Variants in ARRB2 observed in about 807,000 individuals in gnomAD.
ARRB2 encodes the protein beta-arrestin-2.
A neutral mutation model predicts 53.4 loss-of-function variants in ARRB2; 21 were observed. That is an observed-to-expected ratio of 0.39 (90% CI 0.28 to 0.57). ARRB2 has a LOEUF of 0.57. Among genes scored for constraint, ARRB2 ranks in the 20% least tolerant of loss-of-function variants. The pLI is 0.55. For synonymous variants in ARRB2, 180 were observed against 212.9 expected (o/e 0.85, Z 1.34); for missense variants, 369 against 527.5 (o/e 0.70, Z 2.94).
At position 4,710,668 on chromosome 17, in the gene ARRB2, G is replaced by GGCGAGGAGGCTGCGA. The variant is rs1914289605; in HGVS notation, c.-48_-34dup. 5.0e-6 allele frequency: 2 copies of GGCGAGGAGGCTGCGA among 398,708 alleles called. No individual in the cohort carries two copies. The highest frequency in any genetic ancestry group is 8.8e-6 in the Non-Finnish European group (2 of 226,132). 24.7% of individuals were successfully genotyped at this position (398,708 alleles called of 1,614,324 possible). A position where few individuals can be genotyped will look rare whatever the true frequency, so the allele number is the denominator to read the frequency against. ...GGGAGGAGCAGGGATCTTGGCAGCG[G>GGCGAGGAGGCTGCGA]GCGAGGAGGCTGCGAGCGAGCCGCG... On this transcript the variant is annotated 5_prime_UTR_variant, in exon 1 of 15. Coordinates refer to ENST00000269260, the MANE Select transcript of ARRB2 (RefSeq NM_004313.4).
In ARRB2 at chr17:4,720,604, TC is replaced by T; in HGVS notation, c.1103del (p.Pro368LeufsTer29). On this transcript the variant is annotated frameshift_variant, in exon 14 of 15. Coordinates refer to ENST00000269260, the MANE Select transcript of ARRB2 (RefSeq NM_004313.4). LOFTEE classifies it high-confidence loss of function. The stretch of plus-strand genomic sequence containing the variant: ...CCCCCAGCCGCTCCGGAGACAGATG[TC>T]CCTGTGGACACCAACCTCATTGAAT... Reference protein sequence around the residue: ...RPQSAAPETDVPVDTNLIEFD... With the variant: ...RPQSAAPETDXPVDTNLIEFD... The T allele has an allele frequency of 6.3e-7, 1 of 1,591,306 alleles. No homozygotes were observed. The highest frequency in any genetic ancestry group is 1.1e-5 in the South Asian group (1 of 87,838).
At position 4,718,244 on chromosome 17, in the gene ARRB2, C is replaced by T. The variant is rs1328229704; in HGVS notation, c.622-17C>T. On this transcript the variant is annotated splice_polypyrimidine_tract_variant and intron_variant, in intron 8 of 14. Coordinates refer to ENST00000269260, the MANE Select transcript of ARRB2 (RefSeq NM_004313.4). ...TGAAAACCAGTTCCAATTCACATGA[C>T]CCCCTCCCCCCAAAAGCTGTACTAC... 1.2e-6 allele frequency: 2 copies of T among 1,605,592 alleles called. No individual in the cohort carries two copies. The highest frequency in any genetic ancestry group is 8.5e-7 in the Non-Finnish European group (1 of 1,175,094).
intron 12 of ARRB2, 32 bp from the exon 13 acceptor site, chr17:4,720,360 CG>C: frequency 6.2e-7 from 1 of 1,613,782 alleles, no homozygotes. Flanking sequence ...CCCATGTCGT[CG>C]TCCTCTTCAC....
rs1915187384 is a variant in ARRB2 at position 4,717,418 on chromosome 17, C to T, written c.417+142C>T. 8.2e-6 allele frequency: 9 copies of T among 1,095,164 alleles called. No homozygotes were observed. Among genetic ancestry groups the T allele is most frequent in the East Asian group, 4.8e-5 (2 of 41,674 alleles). The allele number at this position is 1,095,164 out of a possible 1,614,324, so 67.8% of individuals were successfully genotyped here. A position where few individuals can be genotyped will look rare whatever the true frequency, so the allele number is the denominator to read the frequency against. On this transcript the variant is annotated intron_variant, in intron 6 of 14. Transcript: ENST00000269260. The surrounding 1 kb of genome is among the most constrained non-coding windows in gnomAD (Gnocchi z 6.0). Reference sequence around the variant, plus strand: ...GCCAGTGTCCCCCGTGGAAGTGGGGCGTATGTGGTGGTCATTGTGCACGCA... The same window carrying T: ...GCCAGTGTCCCCCGTGGAAGTGGGGTGTATGTGGTGGTCATTGTGCACGCA...
At chr17:4,715,929 C>T in intron 2 of ARRB2, 44 bp from the exon 3 acceptor site, 1 of 1,612,678 alleles carries the variant, frequency 6.2e-7, no homozygotes, top group Non-Finnish European at 8.5e-7. Context: ...GATGCCCTGT[C>T]ACCATCCTCC....
intron 5 of ARRB2, 154 bp downstream of exon 5, chr17:4,716,762 C>G (rs1432817027): frequency 3.6e-6 from 5 of 1,377,698 alleles, no homozygotes; most frequent in African/African-American, 1.5e-5. Flanking sequence ...ATTCAGGAAG[C>G]CCTTGATTAT....
chr17:4,712,827 T>G (rs1914552981), intron 1 of ARRB2, among the ~76,000 whole-genome samples: 1 of 152,236 alleles, frequency 6.6e-6, no homozygotes, highest in South Asian at 2.1e-4. Flanking sequence ...ATCGAGAGGA[T>G]GGACTCGGAG....
In ARRB2 at chr17:4,720,292, C is replaced by T. The variant is rs1259765968; in HGVS notation, c.994C>T (p.Arg332Ter). The T allele has an allele frequency of 6.2e-7, 1 of 1,613,842 alleles. No individual in the cohort carries two copies. The change falls in exon 12 of 15, where the codon CGA becomes TGA. Residue 332 changes from arginine to a stop codon, truncating the protein, a stop_gained. Coordinates refer to ENST00000269260, the MANE Select transcript of ARRB2 (RefSeq NM_004313.4). LOFTEE classifies it high-confidence loss of function. ...YRVKVKLVVS[R>*]GGDVSVELPF... is the part of the protein sequence containing the mutation. ...GGTCAAGGTGAAGCTGGTGGTGTCT[C>T]GAGGCGGGTGAGTGTCATGGGGGAG...
chr17:4,715,137 TC>T, intron 2 of ARRB2, 94 bp downstream of exon 2: 1 of 1,400,906 alleles, frequency 7.1e-7, no homozygotes, highest in Non-Finnish European at 9.8e-7. Flanking sequence ...CCAAAGATGA[TC>T]CCCAACCCCT....
rs1361467560 is a variant in ARRB2 at position 4,720,668 on chromosome 17, C to A, written c.1136+28C>A. ...AAGAAACTCATTCCCCTACTTGACC[C>A]TCTTGGGACAAAGATTCCTATAACA... On this transcript the variant is annotated intron_variant, in intron 14 of 14. Transcript: ENST00000269260. 3.3e-6 allele frequency: 5 copies of A among 1,514,738 alleles called. No homozygotes were observed. The East Asian group carries it at 1.1e-4, about 34-fold the overall frequency. The allele number at this position is 1,514,738 out of a possible 1,614,324, so 93.8% of individuals were successfully genotyped here.
chr17:4,711,266 G>A (rs1334892656), intron 1 of ARRB2, among the ~76,000 whole-genome samples: 3 of 152,068 alleles, frequency 2.0e-5, no homozygotes, highest in East Asian at 1.9e-4. Flanking sequence ...CATCTTGGGG[G>A]AGCCGAGTGC....
intron 11 of ARRB2, 117 bp downstream of exon 11, chr17:4,719,537 C>A (rs556953573): frequency 4.2e-6 from 6 of 1,422,688 alleles, no homozygotes; most frequent in Non-Finnish European, 5.7e-6. Context: ...AGAACTCTTA[C>A]ATTCTAGGGG....
At position 4,721,005 on chromosome 17, in the gene ARRB2, T is replaced by A. The variant is rs2150607101; in HGVS notation, c.1196T>A (p.Met399Lys). ...TTTGCCCGGCTTCGGCTGAAGGGGA[T>A]GAAGGATGACGACTATGATGATCAA... ...EDFARLRLKG[M>K]KDDDYDDQLC Residue 399 changes from methionine to lysine, a missense_variant, in exon 15 of 15, where the codon ATG (methionine) becomes AAG (lysine). By Grantham distance (95) the Met-to-Lys change is moderately conservative (BLOSUM62 -1). Coordinates refer to ENST00000269260, the MANE Select transcript of ARRB2 (RefSeq NM_004313.4). This position sits in a 1 kb window ranked among gnomAD's most constrained non-coding sequence, Gnocchi z 4.2. 2 of 1,613,782 alleles carry A rather than the reference T, an allele frequency of 1.2e-6. No individual in the cohort carries two copies. Among genetic ancestry groups the A allele is most frequent in the East Asian group, 2.2e-5 (1 of 44,860 alleles).
chr17:4,714,084 T>A (rs1333883260), intron 1 of ARRB2, among the ~76,000 whole-genome samples: 1 of 91,188 alleles, frequency 1.1e-5, no homozygotes, highest in Non-Finnish European at 2.6e-5. Context: ...GGCATTGTGC[T>A]GGAGATGCCT....
Position 4,717,020 on chromosome 17 carries a change from G to A in ARRB2, c.358-197G>A. 1.6e-6 allele frequency: 1 copy of A among 632,148 alleles called. No homozygotes were observed. The highest frequency in any genetic ancestry group is 2.8e-6 in the Non-Finnish European group (1 of 359,196). 39.2% of individuals were successfully genotyped at this position (632,148 alleles called of 1,614,324 possible). ...CGACTAATTTTGTATTTTTAGTAGT[G>A]ATGGGGTTTTGCCACGTTGGTCAGG... On this transcript the variant is annotated intron_variant, in intron 5 of 14. Coordinates refer to ENST00000269260, the MANE Select transcript of ARRB2 (RefSeq NM_004313.4). This position sits in a 1 kb window ranked among gnomAD's most constrained non-coding sequence, Gnocchi z 6.0.
chr17:4,710,876 G>C, intron 1 of ARRB2, 132 bp downstream of exon 1: 2 of 396,438 alleles, frequency 5.0e-6, no homozygotes, highest in Non-Finnish European at 4.5e-6. Context: ...AGCCATCCGG[G>C]GCCGCACGCG....
chr17:4,719,486 C>A, intron 11 of ARRB2, 66 bp downstream of exon 11: 2 of 1,577,002 alleles, frequency 1.3e-6, no homozygotes, highest in Non-Finnish European at 1.7e-6. Context: ...GTGCTCTATC[C>A]TAGTGTGCCA....
At position 4,720,615 on chromosome 17, in the gene ARRB2, A is replaced by G; in HGVS notation, c.1111A>G (p.Thr371Ala). Residue 371 changes from threonine to alanine, a missense_variant, in exon 14 of 15, where the codon ACC (threonine) becomes GCC (alanine). Transcript: ENST00000269260. The stretch of plus-strand genomic sequence containing the variant: ...TCCGGAGACAGATGTCCCTGTGGAC[A>G]CCAACCTCATTGAATTTGATACCAA... ...AAPETDVPVD[T>A]NLIEFDTNYA... 4 of 1,587,252 alleles carry G rather than the reference A, an allele frequency of 2.5e-6. No individual in the cohort carries two copies. The highest frequency in any genetic ancestry group is 3.4e-6 in the Non-Finnish European group (4 of 1,170,362).
chr17:4,717,929 C>T lies in ARRB2; in HGVS notation c.527C>T (p.Pro176Leu), dbSNP rs777598057. 6.8e-6 allele frequency: 11 copies of T among 1,613,738 alleles called. No individual in the cohort carries two copies. Among genetic ancestry groups the T allele is most frequent in the Non-Finnish European group, 9.3e-6 (11 of 1,180,024 alleles). The part of the protein sequence containing the change: ...RLVIRKVQFA[P>L]EKPGPQPSAE... ...GTGATCCGAAAGGTGCAGTTCGCCC[C>T]GGAGAAACCCGGCCCCCAGCCTTCA... The change falls in exon 8 of 15, where the codon CCG (proline) becomes CTG (leucine). Residue 176 changes from proline to leucine, a missense_variant. Coordinates refer to ENST00000269260, the MANE Select transcript of ARRB2 (RefSeq NM_004313.4). This position sits in a 1 kb window ranked among gnomAD's most constrained non-coding sequence, Gnocchi z 6.0.
Sources: allele counts gnomAD v4.1 joint callset (sites outside exome capture counted in the v4.1 genomes callset), GRCh38; gene constraint gnomAD v4.1.1; non-coding constraint Gnocchi (gnomAD v3.1); transcripts MANE v1.5; gene names NCBI Gene and HGNC (gene_info 2026-07-23, HGNC 2026-07-21).